PPFIBP2: variants seen among roughly 807,000 people sequenced by gnomAD.
PPFIBP2 encodes the protein liprin-beta-2.
In PPFIBP2, 118 loss-of-function variants were observed where a neutral mutation model predicts 118.3. The observed-to-expected ratio is 1.00, with a 90% CI of 0.86 to 1.16. The LOEUF (loss-of-function observed/expected upper bound fraction) is 1.16, where lower values mean the gene tolerates loss of function less well. Ranked by LOEUF, PPFIBP2 falls within the 50% of genes most tolerant of loss-of-function variation. PPFIBP2 has a pLI of 0.00. For missense variants in PPFIBP2, 1,195 were observed against 1,073.1 expected (o/e 1.11, Z -1.59); for synonymous variants, 414 against 397.4 (o/e 1.04, Z -0.50).
At chr11:7,579,849 A>G (rs1298036544) in intron 3 of PPFIBP2, among the ~76,000 whole-genome samples, 1 of 152,182 alleles carries the variant, frequency 6.6e-6, no homozygotes, top group Admixed American at 6.5e-5. Flanking sequence ...AGCATTTTAC[A>G]AAAGCAAAAC....
intron 3 of PPFIBP2, among the ~76,000 whole-genome samples, chr11:7,584,433 GGT>G (rs1276942266): frequency 2.0e-5 from 3 of 152,250 alleles, no homozygotes; most frequent in African/African-American, 7.2e-5. Context: ...TTGGACTCCT[GGT>G]AGCCGAGGAT....
intron 2 of PPFIBP2, among the ~76,000 whole-genome samples, chr11:7,551,495 A>G (rs1281686994): frequency 6.6e-6 from 1 of 152,100 alleles, no homozygotes; most frequent in Non-Finnish European, 1.5e-5. Flanking sequence ...CCAATACCAC[A>G]CTGTGTTGAT....
chr11:7,571,093 A>G (rs917111419), intron 3 of PPFIBP2, among the ~76,000 whole-genome samples: 3 of 152,216 alleles, frequency 2.0e-5, no homozygotes, highest in African/African-American at 7.2e-5. Flanking sequence ...ACCATATTGA[A>G]AAACCTGAAG....
downstream of PPFIBP2, among the ~76,000 whole-genome samples, chr11:7,656,506 G>A (rs1054267420): frequency 6.6e-6 from 1 of 152,196 alleles, no homozygotes; most frequent in Non-Finnish European, 1.5e-5. Flanking sequence ...TTGGTGGCCT[G>A]AAAATAGAAA....
chr11:7,666,727 G>C, the PPFIBP2 span: 1 of 514,130 alleles, frequency 1.9e-6, no homozygotes, highest in Non-Finnish European at 3.5e-6. Flanking sequence ...CAAACCCTTT[G>C]TTTTGTGGAT....
At chr11:7,515,385 T>A (rs1849144153) in intron 1 of PPFIBP2, among the ~76,000 whole-genome samples, 1 of 152,240 alleles carries the variant, frequency 6.6e-6, no homozygotes, top group Non-Finnish European at 1.5e-5. Flanking sequence ...CTTTACTGGG[T>A]AGCTAAGGGA....
Position 7,577,326 on chromosome 11 carries a change from T to TGTGTGC in PPFIBP2, c.279+11564_279+11565insCGTGTG, listed in dbSNP as rs745642410. On this transcript the variant is annotated intron_variant, in intron 3 of 23. Transcript: ENST00000299492. ...GTGTGCGTGCATGTATGTGCGTGTG[T>TGTGTGC]GTGTGTGTGTGTGTGTGTGTGTGTG... is the stretch of plus-strand genomic sequence containing the variant. 1,218 of 283,634 alleles carry TGTGTGC rather than the reference T, an allele frequency of 4.3e-3. 12 individuals are homozygous for TGTGTGC. The highest frequency in any genetic ancestry group is 4.8e-3 in the Non-Finnish European group (680 of 142,768). 17.6% of individuals were successfully genotyped at this position (283,634 alleles called of 1,614,324 possible).
chr11:7,648,234 T>C, intron 17 of PPFIBP2, 153 bp from the exon 18 acceptor site: 1 of 776,920 alleles, frequency 1.3e-6, no homozygotes. Context: ...AGTGGAATTT[T>C]GTTCAGCAGA....
chr11:7,568,836 C>G (rs568322147), intron 3 of PPFIBP2: 3 of 152,234 alleles, frequency 2.0e-5, no homozygotes, highest in Non-Finnish European at 2.9e-5. Context: ...TCCTCCAGAT[C>G]AATGAAGAAG....
chr11:7,524,854 T>A (rs1850082438), intron 1 of PPFIBP2, among the ~76,000 whole-genome samples: 1 of 152,158 alleles, frequency 6.6e-6, no homozygotes, highest in African/African-American at 2.4e-5. Flanking sequence ...AGAGGAATAG[T>A]TCTTGACTCT....
intron 14 of PPFIBP2, among the ~76,000 whole-genome samples, chr11:7,638,626 T>C (rs1398162637): frequency 1.3e-5 from 2 of 152,242 alleles, no homozygotes; most frequent in East Asian, 3.8e-4. Context: ...ACTTGCCAGT[T>C]TGAAATCTGT....
At chr11:7,633,638 C>T (rs1320951097) in intron 12 of PPFIBP2, among the ~76,000 whole-genome samples, 1 of 152,144 alleles carries the variant, frequency 6.6e-6, no homozygotes, top group African/African-American at 2.4e-5. Context: ...GTCTCCAGAG[C>T]CTGCACTCTG....
At chr11:7,641,313 T>C (rs569970666) in intron 15 of PPFIBP2, among the ~76,000 whole-genome samples, 166 bp from the exon 16 acceptor site, 1 of 152,348 alleles carries the variant, frequency 6.6e-6, no homozygotes, top group Admixed American at 6.5e-5. Context: ...CAAGGAAGCC[T>C]GGAGTCCCCA....
At chr11:7,515,699 G>T (rs141286858) in intron 1 of PPFIBP2, among the ~76,000 whole-genome samples, 1 of 152,284 alleles carries the variant, frequency 6.6e-6, no homozygotes, top group African/African-American at 2.4e-5. Context: ...GACAAGGCTG[G>T]AAAATAGTCC....
At chr11:7,607,400 T>C (rs1847523528) in intron 5 of PPFIBP2, among the ~76,000 whole-genome samples, 1 of 151,668 alleles carries the variant, frequency 6.6e-6, no homozygotes, top group Non-Finnish European at 1.5e-5. Flanking sequence ...TATGTATTTT[T>C]TGTAGAGGCA....
rs752243302 is a variant in PPFIBP2, at chr11:7,648,489, A to G, written c.1749A>G (p.Val583=). Residue 583 remains valine, a synonymous_variant, in exon 18 of 24, where the codon GTA becomes GTG. Coordinates refer to ENST00000299492, the MANE Select transcript of PPFIBP2 (RefSeq NM_003621.5). Reference sequence around the variant, plus strand: ...ATGTGATCTTTGCCAGGCAGTGGGTATCTTCTGGCCACACCTTATTGACAG... The same window carrying G: ...ATGTGATCTTTGCCAGGCAGTGGGTGTCTTCTGGCCACACCTTATTGACAG... ...AQYVIFARQW[V]SSGHTLLTAT... 3 of 1,614,014 alleles carry G rather than the reference A, an allele frequency of 1.9e-6. No individual in the cohort carries two copies. Among genetic ancestry groups the G allele is most frequent in the South Asian group, 1.1e-5 (1 of 91,080 alleles).
Position 7,648,872 on chromosome 11 carries a change from G to T in PPFIBP2, c.1870G>T (p.Glu624Ter), listed in dbSNP as rs965082577. The stretch of plus-strand genomic sequence containing the variant: ...AGTGAAAGCCATCAACACCAAACAG[G>T]AGGAGAAGTCTGCACTGCTAGACCA... ...LAVKAINTKQ[E>*]EKSALLDHIW... Residue 624 changes from glutamate (E) to a stop codon, truncating the protein, a stop_gained, in exon 19 of 24, where the codon GAG becomes TAG. Coordinates refer to ENST00000299492, the MANE Select transcript of PPFIBP2 (RefSeq NM_003621.5). LOFTEE classifies it high-confidence loss of function. 4 of 1,613,976 alleles carry T rather than the reference G, an allele frequency of 2.5e-6. No homozygotes were observed. Among genetic ancestry groups the T allele is most frequent in the Non-Finnish European group, 3.4e-6 (4 of 1,180,016 alleles).
chr11:7,583,209 TAC>T (rs1451882415), intron 3 of PPFIBP2, among the ~76,000 whole-genome samples: 1 of 152,218 alleles, frequency 6.6e-6, no homozygotes, highest in Non-Finnish European at 1.5e-5. Context: ...ATCTTCCCCA[TAC>T]ATTTTCCTTT....
chr11:7,660,932 C>T (rs1213176714), downstream of PPFIBP2, among the ~76,000 whole-genome samples: 2 of 151,954 alleles, frequency 1.3e-5, no homozygotes, highest in South Asian at 2.1e-4. Context: ...AGTTTATTTG[C>T]GTAGAGGTGT....
Sources: gnomAD v4.1 joint callset for allele counts (sites outside exome capture counted in the v4.1 genomes callset) on GRCh38, gnomAD v4.1.1 for gene constraint, MANE v1.5 for transcripts, NCBI Gene and HGNC (gene_info 2026-07-23, HGNC 2026-07-21) for gene names.